The following HDAC9 variants were observed in gnomAD, a reference collection of about 807,000 sequenced individuals.
HDAC9 encodes MEF-2 interacting transcription repressor (MITR) protein.
HDAC9 carries 41 observed loss-of-function variants against 139.4 expected under a neutral mutation model. The observed-to-expected ratio is 0.29, with a 90% CI of 0.23 to 0.38. HDAC9 has a LOEUF of 0.38. Ranked by LOEUF, HDAC9 falls within the 10% of genes least tolerant of loss-of-function variation. HDAC9 has a pLI of 1.00. For missense variants in HDAC9, 1,147 were observed against 1,297.0 expected (o/e 0.88, Z 1.78); for synonymous variants, 517 against 476.2 (o/e 1.09, Z -1.12).
intron 22 of HDAC9, among the ~76,000 whole-genome samples, chr7:18,933,454 A>G (rs901743324): frequency 6.6e-6 from 1 of 152,086 alleles, no homozygotes; most frequent in Non-Finnish European, 1.5e-5. Context: ...GATCTCATTC[A>G]TGAAGACTCT....
intron 2 of HDAC9, chr7:18,509,186 C>T (rs1021625204): frequency 2.6e-6 from 2 of 759,868 alleles, no homozygotes; most frequent in Non-Finnish European, 3.2e-6. Flanking sequence ...TGCTTGATGC[C>T]TCATGGGGTT....
At chr7:18,314,836 A>G (rs932671834) in intron 1 of HDAC9, among the ~76,000 whole-genome samples, 3 of 152,216 alleles carry the variant, frequency 2.0e-5, no homozygotes, top group Non-Finnish European at 2.9e-5. Flanking sequence ...TGTCTTTTAA[A>G]TAAATGAAGT....
chr7:18,651,384 CTTCTT>C (rs1267109923), intron 11 of HDAC9, among the ~76,000 whole-genome samples: 1 of 152,084 alleles, frequency 6.6e-6, no homozygotes, highest in Non-Finnish European at 1.5e-5. Flanking sequence ...TTAAATATAT[CTTCTT>C]TTATTTCCTT....
chr7:18,855,444 AC>A (rs1190752593), intron 21 of HDAC9, among the ~76,000 whole-genome samples: 1 of 151,752 alleles, frequency 6.6e-6, no homozygotes, highest in African/African-American at 2.4e-5. Flanking sequence ...AGCTCTATCC[AC>A]CTCATTTCTA....
chr7:18,722,986 C>G (rs10229559), intron 12 of HDAC9, among the ~76,000 whole-genome samples: 1 of 151,976 alleles, frequency 6.6e-6, no homozygotes, highest in Non-Finnish European at 1.5e-5. Context: ...AACTTGGAAA[C>G]GACATGAAAG....
intron 16 of HDAC9, among the ~76,000 whole-genome samples, chr7:18,768,039 T>C (rs1044760579): frequency 6.6e-6 from 1 of 152,200 alleles, no homozygotes; most frequent in East Asian, 1.9e-4. Flanking sequence ...ATGCCAGATT[T>C]AGTGAGTTGT....
chr7:18,689,508 T>G (rs1346218530), intron 12 of HDAC9, among the ~76,000 whole-genome samples: 1 of 151,998 alleles, frequency 6.6e-6, no homozygotes, highest in African/African-American at 2.4e-5. Flanking sequence ...GTTTTAGGAA[T>G]ATATTAAAAG....
chr7:18,619,231 C>T (rs918777524), intron 6 of HDAC9, among the ~76,000 whole-genome samples: 1 of 152,118 alleles, frequency 6.6e-6, no homozygotes, highest in Non-Finnish European at 1.5e-5. Context: ...ATCTATGAGA[C>T]CTCTTGCCAT....
chr7:18,523,327 C>CTAT (rs766050027), intron 2 of HDAC9, among the ~76,000 whole-genome samples: 5 of 152,134 alleles, frequency 3.3e-5, no homozygotes, highest in Non-Finnish European at 7.4e-5. Context: ...CACATAACCT[C>CTAT]TAACTATTAA....
chr7:18,368,062 A>G (rs1341493426), intron 1 of HDAC9, among the ~76,000 whole-genome samples: 2 of 152,086 alleles, frequency 1.3e-5, no homozygotes, highest in African/African-American at 2.4e-5. Context: ...ATAATTTGAT[A>G]CTAATCCCGT....
intron 8 of HDAC9, 81 bp from the exon 9 acceptor site, chr7:18,644,590 A>T (rs1447434731): frequency 5.1e-6 from 6 of 1,179,650 alleles, no homozygotes; most frequent in Non-Finnish European, 7.1e-6. Context: ...TTATGGTAAG[A>T]CCCATTTTCT....
chr7:18,213,333 C>A (rs1186461739), intron 2 of HDAC9, among the ~76,000 whole-genome samples: 4 of 152,032 alleles, frequency 2.6e-5, no homozygotes. Flanking sequence ...TATAAGAGAC[C>A]AGGATTTTTC....
intron 16 of HDAC9, among the ~76,000 whole-genome samples, chr7:18,787,517 A>G (rs536662277): frequency 6.6e-6 from 1 of 152,332 alleles, no homozygotes; most frequent in South Asian, 2.1e-4. Context: ...TGCTTGGTAC[A>G]TTAGTTACAT....
chr7:18,273,199 T>C (rs1378011599), intron 2 of HDAC9, among the ~76,000 whole-genome samples: 1 of 151,216 alleles, frequency 6.6e-6, no homozygotes, highest in Non-Finnish European at 1.5e-5. Flanking sequence ...CCTGAGTAGC[T>C]AGGACTACAG....
At chr7:18,341,232 GT>G (rs1781984108) in intron 1 of HDAC9, among the ~76,000 whole-genome samples, 1 of 151,012 alleles carries the variant, frequency 6.6e-6, no homozygotes, top group East Asian at 1.9e-4. Flanking sequence ...GTGTGTGTGT[GT>G]TTGTGTGTGC....
intron 1 of HDAC9, among the ~76,000 whole-genome samples, chr7:18,096,459 C>T (rs2128064895): frequency 1.3e-5 from 2 of 152,200 alleles, no homozygotes; most frequent in Admixed American, 1.3e-4. Context: ...GATTAGCATA[C>T]AACATGTATA....
chr7:18,491,360 A>G (rs1248235812), upstream of HDAC9, among the ~76,000 whole-genome samples: 2 of 152,024 alleles, frequency 1.3e-5, no homozygotes, highest in African/African-American at 2.4e-5. Flanking sequence ...TCACACCAGT[A>G]TAACAGTTAT....
intron 1 of HDAC9, among the ~76,000 whole-genome samples, chr7:18,135,154 C>A (rs955861077): frequency 1.3e-5 from 2 of 151,928 alleles, no homozygotes; most frequent in Non-Finnish European, 2.9e-5. Context: ...ATACTGTTCA[C>A]CCCATTTAAA....
intron 2 of HDAC9, among the ~76,000 whole-genome samples, chr7:18,572,942 G>A (rs1387257167): frequency 6.6e-6 from 1 of 152,198 alleles, no homozygotes; most frequent in Non-Finnish European, 1.5e-5. Context: ...TAATTCAAAA[G>A]CATATTTGCA....
Sources: gnomAD v4.1 joint callset for allele counts (sites outside exome capture counted in the v4.1 genomes callset) on GRCh38, gnomAD v4.1.1 for gene constraint, MANE v1.5 for transcripts, NCBI Gene and HGNC (gene_info 2026-07-23, HGNC 2026-07-21) for gene names.